METTL8: variants seen among roughly 807,000 people sequenced by gnomAD.
The protein encoded by METTL8 is methyltransferase 8, tRNA N3-cytidine.
METTL8 carries 32 observed loss-of-function variants against 48.7 expected under a neutral mutation model. The observed-to-expected ratio is 0.66, with a 90% CI of 0.50 to 0.88. METTL8 has a LOEUF of 0.88. METTL8 is among the 40% of genes least tolerant of loss of function. METTL8 has a pLI of 0.00. For synonymous variants in METTL8, 136 were observed against 157.1 expected (o/e 0.87, Z 1.01); for missense variants, 464 against 474.4 (o/e 0.98, Z 0.20).
intron 1 of METTL8, among the ~76,000 whole-genome samples, chr2:171,410,259 C>T (rs551125870): frequency 6.6e-5 from 10 of 152,306 alleles, no homozygotes; most frequent in African/African-American, 2.4e-4. Context: ...CTAGTCCACA[C>T]ATGCTTTTTA....
chr2:171,390,947 G>A (rs1197840671), intron 2 of METTL8, among the ~76,000 whole-genome samples: 2 of 152,258 alleles, frequency 1.3e-5, no homozygotes, highest in African/African-American at 2.4e-5. Flanking sequence ...GGCAGGATCT[G>A]TGAGGACTGA....
chr2:171,385,827 T>G (rs1296531011), intron 2 of METTL8, among the ~76,000 whole-genome samples: 1 of 152,240 alleles, frequency 6.6e-6, no homozygotes, highest in Non-Finnish European at 1.5e-5. Flanking sequence ...AGGTCAGGTT[T>G]GCTTTTATCT....
rs112829718 is a variant in METTL8, at chr2:171,339,592, C to T, written c.236-38G>A. 1.8e-3 allele frequency: 2,148 copies of T among 1,177,664 alleles called. 29 individuals are homozygous for T. In the East Asian group the frequency reaches 0.03, roughly 17 times the overall value. 73.0% of individuals were successfully genotyped at this position (1,177,664 alleles called of 1,614,324 possible). ...GGAAAAAGAAAGATTTATTTTACTA[C>T]GAATTATATTTACTATTAGCTACTG... is the stretch of plus-strand genomic sequence containing the variant. On this transcript the variant is annotated intron_variant, in intron 3 of 9. Coordinates refer to ENST00000375258, the MANE Select transcript of METTL8 (RefSeq NM_001321154.2).
intron 4 of METTL8, among the ~76,000 whole-genome samples, chr2:171,338,270 A>G (rs1686325416): frequency 6.6e-6 from 1 of 152,212 alleles, no homozygotes; most frequent in Admixed American, 6.5e-5. Context: ...ATTTTTAAAG[A>G]TAGTGAAAAC....
intron 1 of METTL8, among the ~76,000 whole-genome samples, chr2:171,401,197 G>A (rs73022907): frequency 0.039 from 5,943 of 152,150 alleles, 374 homozygotes; most frequent in African/African-American, 0.13. Context: ...AACAAATTAA[G>A]CGCTACTGTT....
intron 3 of METTL8, among the ~76,000 whole-genome samples, chr2:171,359,232 C>A (rs2105469760): frequency 6.7e-6 from 1 of 148,472 alleles, no homozygotes; most frequent in African/African-American, 2.5e-5. Context: ...AGAAGGCATA[C>A]AAATGGCCAA....
At chr2:171,410,440 C>A (rs889812299) in intron 1 of METTL8, among the ~76,000 whole-genome samples, 2 of 152,132 alleles carry the variant, frequency 1.3e-5, no homozygotes, top group Admixed American at 6.5e-5. Context: ...TCTTTCCAAA[C>A]AACAACAAAA....
At chr2:171,425,110 G>T (rs1396020991) in intron 1 of METTL8, among the ~76,000 whole-genome samples, 1 of 152,140 alleles carries the variant, frequency 6.6e-6, no homozygotes, top group South Asian at 2.1e-4. Context: ...GGGTGTGTTT[G>T]CTTCTCCTTC....
intron 1 of METTL8, among the ~76,000 whole-genome samples, chr2:171,401,255 T>C (rs972243775): frequency 1.1e-4 from 17 of 152,118 alleles, no homozygotes; most frequent in African/African-American, 4.1e-4. Context: ...CACTTAAGTA[T>C]CAACTACACT....
intron 7 of METTL8, chr2:171,326,494 T>G (rs1684974749): frequency 5.2e-6 from 1 of 191,564 alleles, no homozygotes; most frequent in Non-Finnish European, 1.1e-5. Context: ...TAGACAACAA[T>G]GGAGTGTGCT....
chr2:171,336,949 ACT>A (rs1375869699), intron 5 of METTL8, among the ~76,000 whole-genome samples: 1 of 144,376 alleles, frequency 6.9e-6, no homozygotes. Context: ...GTCACTGCAA[ACT>A]CTGCCTCCTG....
chr2:171,338,742 T>G (rs1293200028), intron 4 of METTL8, among the ~76,000 whole-genome samples: 1 of 152,138 alleles, frequency 6.6e-6, no homozygotes, highest in Non-Finnish European at 1.5e-5. Flanking sequence ...TTAGCAAATT[T>G]TCTATAATCA....
intron 2 of METTL8, among the ~76,000 whole-genome samples, chr2:171,376,746 C>A (rs1184197806): frequency 6.6e-6 from 1 of 152,050 alleles, no homozygotes; most frequent in Non-Finnish European, 1.5e-5. Context: ...TGGATGGGTA[C>A]AATCAATATT....
intron 1 of METTL8, among the ~76,000 whole-genome samples, chr2:171,405,927 GA>G (rs998514304): frequency 1.3e-5 from 2 of 151,470 alleles, no homozygotes; most frequent in Admixed American, 6.6e-5. Context: ...AGGAGGAACA[GA>G]AAAAAAATGG....
intron 2 of METTL8, among the ~76,000 whole-genome samples, chr2:171,364,491 A>G (rs1297532773): frequency 6.6e-6 from 1 of 152,170 alleles, no homozygotes; most frequent in Non-Finnish European, 1.5e-5. Flanking sequence ...CCTCAAAAAT[A>G]GAAGATTTTT....
chr2:171,417,571 C>G (rs909363597), intron 1 of METTL8, among the ~76,000 whole-genome samples: 21 of 152,250 alleles, frequency 1.4e-4, no homozygotes, highest in South Asian at 4.1e-4. Context: ...CTTAAGGTAG[C>G]CAGGGTTACA....
At chr2:171,383,835 G>A (rs904659311) in intron 2 of METTL8, among the ~76,000 whole-genome samples, 1 of 152,108 alleles carries the variant, frequency 6.6e-6, no homozygotes, top group Non-Finnish European at 1.5e-5. Context: ...AAGACAATAG[G>A]CAAAATGTAA....
intron 1 of METTL8, among the ~76,000 whole-genome samples, chr2:171,431,799 T>C (rs1477708125): frequency 1.3e-5 from 2 of 152,178 alleles, no homozygotes; most frequent in African/African-American, 4.8e-5. Flanking sequence ...AACATGCCCC[T>C]GTTCGTCAGG....
intron 2 of METTL8, among the ~76,000 whole-genome samples, chr2:171,383,051 G>A (rs1395463999): frequency 6.6e-6 from 1 of 152,096 alleles, no homozygotes; most frequent in African/African-American, 2.4e-5. Context: ...TCCAGTCTGG[G>A]CGACAGAGCA....
Sources: allele counts gnomAD v4.1 joint callset (sites outside exome capture counted in the v4.1 genomes callset), GRCh38; gene constraint gnomAD v4.1.1; transcripts MANE v1.5; gene names NCBI Gene and HGNC (gene_info 2026-07-23, HGNC 2026-07-21).